Variants in NLRP5 observed in about 807,000 individuals in gnomAD.
The protein encoded by NLRP5 is NLR family pyrin domain containing 5, also known as NACHT, LRR and PYD domains-containing protein 5.
Under a neutral mutation model 113.1 loss-of-function variants are expected in NLRP5, and 93 were observed. The ratio of observed to expected loss-of-function variants is 0.82; its 90% CI spans 0.70 to 0.98. NLRP5 has a LOEUF of 0.98. Among genes scored for constraint, NLRP5 ranks in the 50% least tolerant of loss-of-function variants. The pLI, the probability that NLRP5 is intolerant of heterozygous loss-of-function variation, is 0.00. For missense variants in NLRP5, 1,808 were observed against 1,514.3 expected (o/e 1.19, Z -3.22); for synonymous variants, 751 against 600.7 (o/e 1.25, Z -3.66).
intron 10 of NLRP5, among the ~76,000 whole-genome samples, chr19:56,038,709 G>C (rs775334318): frequency 1.5e-4 from 23 of 152,170 alleles, no homozygotes; most frequent in Non-Finnish European, 3.1e-4. Context: ...GGAGACGAGG[G>C]AGCCCAGAGC....
rs896186082 is a variant in NLRP5 at position 56,032,534 on chromosome 19, C to G, written c.2277-77C>G. 14 of 1,367,066 alleles carry G rather than the reference C, an allele frequency of 1.0e-5. No homozygotes were observed. In the Admixed American group the frequency reaches 3.0e-4, roughly 29 times the overall value. 84.7% of individuals were successfully genotyped at this position (1,367,066 alleles called of 1,614,324 possible). ...GTCTCACCTCGAGAGCTCGGTCCCT[C>G]TCCTCCGACGTGTTGCCACGACTGC... On this transcript the variant is annotated intron_variant, in intron 7 of 14. Transcript: ENST00000390649.
chr19:56,017,483 C>G (rs1453993145), intron 4 of NLRP5, among the ~76,000 whole-genome samples: 1 of 152,170 alleles, frequency 6.6e-6, no homozygotes, highest in African/African-American at 2.4e-5. Context: ...TTTGTTTCCA[C>G]TCATTTCAAA....
At chr19:56,013,595 G>GTTTTTTTT (rs1418924718) in intron 3 of NLRP5, among the ~76,000 whole-genome samples, 12 of 30,976 alleles carry the variant, frequency 3.9e-4, no homozygotes, top group South Asian at 1.9e-3. Context: ...TGGACATTTG[G>GTTTTTTTT]GTTTTTTTTT....
Position 56,058,400 on chromosome 19 carries a change from C to T in NLRP5, c.3460C>T (p.Gln1154Ter). The T allele has an allele frequency of 6.2e-7, 1 of 1,612,682 alleles. No individual in the cohort carries two copies. The highest frequency in any genetic ancestry group is 1.7e-5 in the Admixed American group (1 of 59,774). ...CTTTGCCTGTCCCACGTCTAACTTA[C>T]AGATAATTGGGTAAGTCGCCAGCAA... Residue 1154 changes from glutamine (Q) to a stop codon, truncating the protein, a stop_gained, in exon 14 of 15, where the codon CAG becomes TAG. Transcript: ENST00000390649. LOFTEE classifies it low-confidence loss of function (END_TRUNC).
chr19:56,055,069 G>C (rs981561597), intron 13 of NLRP5, among the ~76,000 whole-genome samples: 1 of 135,828 alleles, frequency 7.4e-6, no homozygotes, highest in Non-Finnish European at 1.5e-5. Flanking sequence ...GCACAATCTC[G>C]GCTCCCTGGA....
At position 56,007,180 on chromosome 19, in the gene NLRP5, C is replaced by T. The variant is rs535048837; in HGVS notation, c.443-1608C>T. On this transcript the variant is annotated intron_variant, in intron 2 of 14. Coordinates refer to ENST00000390649, the MANE Select transcript of NLRP5 (RefSeq NM_153447.4). ...GAGTTCAAGACTAGCCTGTCTAACA[C>T]GGTAAAACCCTGTCTCTACTAAAAA... 1.6e-4 allele frequency among the ~76,000 whole-genome samples: 24 copies of T among 151,334 alleles called. 1 individual carries two copies. Among genetic ancestry groups the T allele is most frequent in the Non-Finnish European group, 3.1e-4 (21 of 67,994 alleles).
chr19:56,053,582 C>A, intron 12 of NLRP5, 56 bp from the exon 13 acceptor site: 1 of 1,497,030 alleles, frequency 6.7e-7, no homozygotes, highest in Non-Finnish European at 9.1e-7. Flanking sequence ...AACCTTCTCC[C>A]GCTGTTCCAC....
In NLRP5 at chr19:56,036,318, C is replaced by T. The variant is rs188877293; in HGVS notation, c.2616-1707C>T. On this transcript the variant is annotated intron_variant, in intron 9 of 14. Coordinates refer to ENST00000390649, the MANE Select transcript of NLRP5 (RefSeq NM_153447.4). ...TCCTGACCTCGTGATCTGCCCGCCT[C>T]GGCCTCCCAAAGTGCTGGGATTACA... Among the ~76,000 whole-genome samples the T allele has an allele frequency of 7.2e-3, 1,086 of 151,702 alleles. 8 individuals carry two copies. The highest frequency in any genetic ancestry group is 0.012 in the Non-Finnish European group (814 of 67,950).
chr19:56,056,595 C>T (rs1599914968), intron 13 of NLRP5, among the ~76,000 whole-genome samples: 1 of 152,106 alleles, frequency 6.6e-6, no homozygotes, highest in African/African-American at 2.4e-5. Context: ...TAATTTAACC[C>T]ATGTTAATCA....
In NLRP5 at chr19:56,048,979, A is replaced by AAATTTTTTTT. The variant is rs1555770466; in HGVS notation, c.2958-1439_2958-1438insAATTTTTTTT. ...CTTCAAGCTCTGATTTTTTTTTTTA[A>AAATTTTTTTT]TTTTTTTTTTTTTTTTTTTTGAGAC... On this transcript the variant is annotated intron_variant, in intron 11 of 14. Transcript: ENST00000390649. 3.2e-5 allele frequency among the ~76,000 whole-genome samples: 3 copies of AAATTTTTTTT among 94,976 alleles called. 1 individual carries two copies. Among genetic ancestry groups the AAATTTTTTTT allele is most frequent in the Non-Finnish European group, 5.9e-5 (3 of 50,986 alleles). 62.3% of individuals were successfully genotyped at this position (94,976 alleles called of 152,430 possible).
At position 56,013,600 on chromosome 19, in the gene NLRP5, T is replaced by TTTTTTTG. The variant is rs1555765395; in HGVS notation, c.509-2136_509-2135insGTTTTTT. 1.5e-5 allele frequency among the ~76,000 whole-genome samples: 2 copies of TTTTTTTG among 130,774 alleles called. 1 individual carries two copies. Among genetic ancestry groups the TTTTTTTG allele is most frequent in the Non-Finnish European group, 3.2e-5 (2 of 62,670 alleles). The allele number at this position is 130,774 out of a possible 152,430, so 85.8% of individuals were successfully genotyped here. A position where few individuals can be genotyped will look rare whatever the true frequency, so the allele number is the denominator to read the frequency against. On this transcript the variant is annotated intron_variant, in intron 3 of 14. Transcript: ENST00000390649. ...TATCACATGATGGACATTTGGGTTT[T>TTTTTTTG]TTTTTTTTTTTTTTTTTGCTATTAT... is the stretch of plus-strand genomic sequence containing the variant.
rs569309463 is a variant in NLRP5, at chr19:56,027,829, C to T, written c.1596C>T (p.Cys532=). Residue 532 remains cysteine (C), a synonymous_variant, in exon 7 of 15, where the codon TGC becomes TGT. Transcript: ENST00000390649. Reference sequence around the variant, plus strand: ...AAAGAGTTGTCCTGAAGCGCTTCTGCCGTATGGCTGTGGAGGGAGTGTGGA... The same window carrying T: ...AAAGAGTTGTCCTGAAGCGCTTCTGTCGTATGGCTGTGGAGGGAGTGTGGA... 39 of 1,613,850 alleles carry T rather than the reference C, an allele frequency of 2.4e-5. No individual in the cohort carries two copies. The highest frequency in any genetic ancestry group is 1.5e-4 in the Admixed American group (9 of 59,986).
intron 13 of NLRP5, among the ~76,000 whole-genome samples, chr19:56,056,558 A>G (rs1234435871): frequency 6.8e-6 from 1 of 146,880 alleles, no homozygotes; most frequent in Non-Finnish European, 1.5e-5. Context: ...CTCTATTTCT[A>G]AAAAACAAAA....
intron 12 of NLRP5, among the ~76,000 whole-genome samples, chr19:56,051,139 A>T (rs1983917254): frequency 6.6e-6 from 1 of 152,162 alleles, no homozygotes; most frequent in South Asian, 2.1e-4. Flanking sequence ...TTTACAAAGA[A>T]AGGATCATAG....
chr19:55,993,214 C>T, the NLRP5 span, among the ~76,000 whole-genome samples: 71 of 151,830 alleles, frequency 4.7e-4, no homozygotes, highest in African/African-American at 1.7e-3. Flanking sequence ...GCATATTCAT[C>T]ACCCCAAACA....
At position 56,041,078 on chromosome 19, in the gene NLRP5, T is replaced by G; in HGVS notation, c.2943T>G (p.Ser981Arg). ...GATCCATGAGGCTTCCCCACTGTAG[T>G]CTGCAGAGGCTGATGTGAGTCTGGC... Residue 981 changes from serine (S) to arginine (R), a missense_variant, in exon 11 of 15, where the codon AGT becomes AGG. Physicochemically the swap from Ser to Arg is moderately radical, Grantham distance 110. Transcript: ENST00000390649. 8.7e-6 allele frequency: 14 copies of G among 1,613,906 alleles called. No homozygotes were observed. The highest frequency in any genetic ancestry group is 1.1e-5 in the Non-Finnish European group (13 of 1,179,814).
intron 2 of NLRP5, among the ~76,000 whole-genome samples, chr19:56,005,709 G>A (rs1331429355): frequency 6.6e-6 from 1 of 152,112 alleles, no homozygotes; most frequent in Non-Finnish European, 1.5e-5. Flanking sequence ...GCTGCAAAAC[G>A]CTTCAAGGGC....
intron 4 of NLRP5, 85 bp from the exon 5 acceptor site, chr19:56,019,257 A>G: frequency 1.4e-6 from 2 of 1,433,594 alleles, no homozygotes; most frequent in Non-Finnish European, 1.9e-6. Context: ...TAAATATGGC[A>G]TGACTAAGCT....
chr19:56,039,221 C>T (rs1028185920), intron 10 of NLRP5, among the ~76,000 whole-genome samples: 6 of 152,140 alleles, frequency 3.9e-5, no homozygotes, highest in African/African-American at 9.7e-5. Context: ...ATGGTGATGC[C>T]GGGAGTCAAG....
Sources: allele counts gnomAD v4.1 joint callset (sites outside exome capture counted in the v4.1 genomes callset), GRCh38; gene constraint gnomAD v4.1.1; transcripts MANE v1.5; gene names NCBI Gene and HGNC (gene_info 2026-07-23, HGNC 2026-07-21).